Variants in WNT2 observed in about 807,000 individuals in gnomAD.
The protein encoded by WNT2 is protein Wnt-2.
In WNT2, 12 loss-of-function variants were observed where a neutral mutation model predicts 36.9. The observed-to-expected ratio is 0.33, with a 90% CI of 0.21 to 0.53. The LOEUF (loss-of-function observed/expected upper bound fraction) is 0.53, where lower values mean the gene tolerates loss of function less well. Among genes scored for constraint, WNT2 ranks in the 20% least tolerant of loss-of-function variants. The probability of loss-of-function intolerance (pLI) is 0.95; values close to 1 mark genes in which losing one functional copy is unlikely to be tolerated. For synonymous variants in WNT2, 163 were observed against 174.6 expected (o/e 0.93, Z 0.52); for missense variants, 379 against 473.1 (o/e 0.80, Z 1.84).
intron 1 of WNT2, among the ~76,000 whole-genome samples, chr7:117,321,207 G>C (rs780720937): frequency 6.6e-6 from 1 of 152,154 alleles, no homozygotes; most frequent in Non-Finnish European, 1.5e-5. Context: ...TTGGCTTTGG[G>C]GGAAGCTGAC....
At chr7:117,321,682 C>CA (rs796940830) in intron 1 of WNT2, among the ~76,000 whole-genome samples, 3 of 151,988 alleles carry the variant, frequency 2.0e-5, no homozygotes, top group African/African-American at 7.2e-5. Context: ...CTGTGACTTC[C>CA]AAAAAATATA....
Position 117,278,054 on chromosome 7 carries a change from C to T in WNT2, c.*101G>A, listed in dbSNP as rs1794411383. The T allele has an allele frequency of 7.2e-7, 1 of 1,387,396 alleles. No homozygotes were observed. The highest frequency in any genetic ancestry group is 1.0e-6 in the Non-Finnish European group (1 of 999,770). The allele number at this position is 1,387,396 out of a possible 1,614,324, so 85.9% of individuals were successfully genotyped here. ...TTCCGTTGAGATAAAGGCCACATGC[C>T]TTAGGAAATATCCCCCCAGAAAGAA... On this transcript the variant is annotated 3_prime_UTR_variant, in exon 5 of 5. Coordinates refer to ENST00000265441, the MANE Select transcript of WNT2 (RefSeq NM_003391.3).
chr7:117,286,436 CCTATTCTCTCT>C (rs1794580941), intron 4 of WNT2, among the ~76,000 whole-genome samples: 1 of 151,860 alleles, frequency 6.6e-6, no homozygotes, highest in Non-Finnish European at 1.5e-5. Flanking sequence ...CCCTTCTCTC[CCTATTCTCTCT>C]CTGTCTCTAT....
intron 4 of WNT2, among the ~76,000 whole-genome samples, chr7:117,280,351 T>C (rs1054689105): frequency 6.6e-6 from 1 of 152,174 alleles, no homozygotes. Context: ...CATTATTTCA[T>C]TCAGTAAACA....
At chr7:117,305,369 C>T (rs1307612041) in intron 3 of WNT2, among the ~76,000 whole-genome samples, 3 of 151,952 alleles carry the variant, frequency 2.0e-5, no homozygotes, top group Non-Finnish European at 4.4e-5. Context: ...TTCAAAGCTT[C>T]CGTTCTTATT....
rs571610723 is a variant in WNT2 at position 117,295,915 on chromosome 7, A to AT, written c.853+1696dup. On this transcript the variant is annotated intron_variant, in intron 4 of 4. Coordinates refer to ENST00000265441, the MANE Select transcript of WNT2 (RefSeq NM_003391.3). ...TCATCTAGGAGCCACCTCTTATTCAATTTTTTCTGGTTAGTAACAAGTTTC... is the reference window on the plus strand; with the variant it reads ...TCATCTAGGAGCCACCTCTTATTCAATTTTTTTCTGGTTAGTAACAAGTTTC... Among the ~76,000 whole-genome samples the AT allele has an allele frequency of 1.2e-4, 18 of 152,156 alleles. No homozygotes were observed. The East Asian group carries it at 3.5e-3, about 29-fold the overall frequency.
intron 4 of WNT2, among the ~76,000 whole-genome samples, chr7:117,292,897 T>A (rs1794716887): frequency 6.6e-6 from 1 of 152,174 alleles, no homozygotes; most frequent in South Asian, 2.1e-4. Context: ...AATTTCTTCT[T>A]GCCTAATAAT....
intron 4 of WNT2, among the ~76,000 whole-genome samples, chr7:117,295,100 A>AAAGAG (rs749905665): frequency 2.0e-4 from 30 of 151,912 alleles, no homozygotes; most frequent in South Asian, 6.3e-4. Flanking sequence ...CAAAAAAAGA[A>AAAGAG]AAGAGAAGAG....
chr7:117,311,152 G>C (rs1795112915), intron 3 of WNT2, among the ~76,000 whole-genome samples: 1 of 152,140 alleles, frequency 6.6e-6, no homozygotes, highest in African/African-American at 2.4e-5. Context: ...AAATTGGTTT[G>C]GGTGTGCTCA....
intron 4 of WNT2, among the ~76,000 whole-genome samples, chr7:117,279,412 CA>C (rs1794440836): frequency 1.3e-5 from 2 of 152,128 alleles, no homozygotes; most frequent in Non-Finnish European, 2.9e-5. Flanking sequence ...ATGATTGGAC[CA>C]GGGGCAATCA....
chr7:117,283,542 T>C (rs895595876), intron 4 of WNT2, among the ~76,000 whole-genome samples: 1 of 152,216 alleles, frequency 6.6e-6, no homozygotes, highest in Non-Finnish European at 1.5e-5. Context: ...GCTTCCAGCC[T>C]AAGAAGGTTT....
chr7:117,277,919 G>T lies in WNT2; in HGVS notation c.*236C>A, dbSNP rs191350096. 2 of 550,966 alleles carry T rather than the reference G, an allele frequency of 3.6e-6. No homozygotes were observed. Among genetic ancestry groups the T allele is most frequent in the Non-Finnish European group, 6.5e-6 (2 of 308,122 alleles). 34.1% of individuals were successfully genotyped at this position (550,966 alleles called of 1,614,324 possible). A position where few individuals can be genotyped will look rare whatever the true frequency, so the allele number is the denominator to read the frequency against. ...GTCATGCTATTTCCAAAGAGAACTC[G>T]CCAGGAGGGGAGATGACTGCAGAAC... On this transcript the variant is annotated 3_prime_UTR_variant, in exon 5 of 5. Coordinates refer to ENST00000265441, the MANE Select transcript of WNT2 (RefSeq NM_003391.3).
At chr7:117,321,323 A>G (rs1795322621) in intron 1 of WNT2, among the ~76,000 whole-genome samples, 1 of 152,242 alleles carries the variant, frequency 6.6e-6, no homozygotes, top group South Asian at 2.1e-4. Flanking sequence ...CCTCACAGAC[A>G]GGCTGTTCTT....
chr7:117,300,317 G>A (rs1251638486), intron 3 of WNT2, among the ~76,000 whole-genome samples: 2 of 152,164 alleles, frequency 1.3e-5, no homozygotes, highest in African/African-American at 2.4e-5. Flanking sequence ...CTCCCGAATA[G>A]CTGGGACTAC....
chr7:117,281,082 G>A (rs563306789), intron 4 of WNT2, among the ~76,000 whole-genome samples: 76 of 152,310 alleles, frequency 5.0e-4, no homozygotes, highest in Non-Finnish European at 7.2e-4. Context: ...AGATTTGCAG[G>A]TAAAGAATGG....
At chr7:117,291,019 C>G (rs1381745982) in intron 4 of WNT2, among the ~76,000 whole-genome samples, 1 of 152,160 alleles carries the variant, frequency 6.6e-6, no homozygotes, top group African/African-American at 2.4e-5. Flanking sequence ...TTTTAATCAG[C>G]TGGTGGGACA....
chr7:117,311,385 C>T (rs746817021), intron 3 of WNT2, among the ~76,000 whole-genome samples: 7 of 152,098 alleles, frequency 4.6e-5, no homozygotes, highest in Non-Finnish European at 8.8e-5. Flanking sequence ...GAAATGTAGA[C>T]AAGGGCACAT....
chr7:117,293,810 A>T (rs1296741858), intron 4 of WNT2, among the ~76,000 whole-genome samples: 1 of 152,068 alleles, frequency 6.6e-6, no homozygotes, highest in African/African-American at 2.4e-5. Context: ...TCCAGTGCAG[A>T]CTGAGAAGAT....
intron 3 of WNT2, among the ~76,000 whole-genome samples, chr7:117,304,746 T>A (rs1420949599): frequency 6.6e-6 from 1 of 152,322 alleles, no homozygotes; most frequent in Middle Eastern, 3.4e-3. Context: ...ATTTTTTTCT[T>A]TTTTAATGGC....
Sources: gnomAD v4.1 joint callset for allele counts (sites outside exome capture counted in the v4.1 genomes callset) on GRCh38, gnomAD v4.1.1 for gene constraint, MANE v1.5 for transcripts, NCBI Gene and HGNC (gene_info 2026-07-23, HGNC 2026-07-21) for gene names.